The following ZBTB40 variants were observed in gnomAD, a reference collection of about 807,000 sequenced individuals.
The protein encoded by ZBTB40 is zinc finger and BTB domain containing 40, also known as zinc finger and BTB domain-containing protein 40.
A neutral mutation model predicts 117.5 loss-of-function variants in ZBTB40; 60 were observed. The ratio of observed to expected loss-of-function variants is 0.51; its 90% CI spans 0.41 to 0.63. The LOEUF is 0.63. Ranked by LOEUF, ZBTB40 falls within the 30% of genes least tolerant of loss-of-function variation. The pLI is 0.00. For synonymous variants in ZBTB40, 525 were observed against 577.1 expected (o/e 0.91, Z 1.29); for missense variants, 1,287 against 1,498.5 (o/e 0.86, Z 2.33).
chr1:22,520,350 G>T, intron 14 of ZBTB40, 75 bp downstream of exon 14: 5 of 1,269,044 alleles, frequency 3.9e-6, no homozygotes, highest in Non-Finnish European at 5.6e-6. Flanking sequence ...CTGATGCCCG[G>T]GTTGGTGGCT....
intron 1 of ZBTB40, among the ~76,000 whole-genome samples, chr1:22,483,839 C>T (rs1388324980): frequency 6.6e-6 from 1 of 152,168 alleles, no homozygotes; most frequent in Non-Finnish European, 1.5e-5. Context: ...CCAAAGTCAA[C>T]TAAGTTTTCT....
chr1:22,524,580 C>A, intron 17 of ZBTB40, 136 bp downstream of exon 17: 1 of 1,053,252 alleles, frequency 9.5e-7, no homozygotes, highest in Non-Finnish European at 1.4e-6. Flanking sequence ...TCTTACAAAA[C>A]AGAACAGAAA....
intron 1 of ZBTB40, among the ~76,000 whole-genome samples, chr1:22,463,888 G>A (rs547208726): frequency 6.6e-6 from 1 of 152,206 alleles, no homozygotes; most frequent in Non-Finnish European, 1.5e-5. Context: ...TCTGGAAAAA[G>A]AAATTAATTG....
Position 22,491,553 on chromosome 1 carries a change from G to A in ZBTB40, c.831+20G>A, listed in dbSNP as rs1003628372. 1 of 1,612,552 alleles carries A rather than the reference G, an allele frequency of 6.2e-7. No homozygotes were observed. ...AAGGAGGTAGGCACCTCTGACTTTT[G>A]TACTTGTTTGCTAGTTTAGTGTTCT... On this transcript the variant is annotated intron_variant, in intron 3 of 17. Transcript: ENST00000375647.
intron 3 of ZBTB40, 26 bp downstream of exon 3, chr1:22,491,559 G>T (rs1459813539): frequency 6.2e-7 from 1 of 1,611,644 alleles, no homozygotes; most frequent in African/African-American, 1.3e-5. Context: ...TTTTGTACTT[G>T]TTTGCTAGTT....
intron 1 of ZBTB40, among the ~76,000 whole-genome samples, chr1:22,486,254 T>G (rs1638462574): frequency 6.6e-6 from 1 of 152,168 alleles, no homozygotes; most frequent in African/African-American, 2.4e-5. Context: ...TCTCAATCTT[T>G]TGGTGAGCTT....
At chr1:22,461,710 G>A (rs1037023343) in intron 1 of ZBTB40, among the ~76,000 whole-genome samples, 1 of 152,150 alleles carries the variant, frequency 6.6e-6, no homozygotes, top group Non-Finnish European at 1.5e-5. Flanking sequence ...AGTCTCTTCA[G>A]TGCTCTGGTA....
Position 22,521,675 on chromosome 1 carries a change from G to A in ZBTB40, c.3211+17G>A, listed in dbSNP as rs202079396. 2.8e-5 allele frequency: 45 copies of A among 1,614,200 alleles called. No individual in the cohort carries two copies. The highest frequency in any genetic ancestry group is 2.3e-4 in the Admixed American group (14 of 60,032). ...AACATGCAGGTGGAGTTTGGGTACC[G>A]CCGGCAGAGAGCGGGAGGGGCTTGA... On this transcript the variant is annotated intron_variant, in intron 15 of 17. Transcript: ENST00000375647.
At chr1:22,514,294 C>T (rs947936832) in intron 12 of ZBTB40, among the ~76,000 whole-genome samples, 1 of 152,178 alleles carries the variant, frequency 6.6e-6, no homozygotes, top group African/African-American at 2.4e-5. Context: ...CTTGCTTTCA[C>T]CATTTCTCTT....
intron 3 of ZBTB40, among the ~76,000 whole-genome samples, chr1:22,496,251 A>G (rs1299782495): frequency 6.6e-6 from 1 of 152,154 alleles, no homozygotes; most frequent in Non-Finnish European, 1.5e-5. Flanking sequence ...AGTGACAGAC[A>G]AGCCCCACTG....
At chr1:22,440,602 T>C (rs1640719862) in intron 1 of ZBTB40, among the ~76,000 whole-genome samples, 1 of 152,250 alleles carries the variant, frequency 6.6e-6, no homozygotes, top group African/African-American at 2.4e-5. Context: ...TGAGGTTTGC[T>C]GTGCATTTTT....
chr1:22,441,202 T>G (rs987971957), intron 1 of ZBTB40, among the ~76,000 whole-genome samples: 3 of 152,124 alleles, frequency 2.0e-5, no homozygotes, highest in Non-Finnish European at 4.4e-5. Context: ...TGATTTCATC[T>G]TGGTAGGTTT....
rs572631520 is a variant in ZBTB40, at chr1:22,485,012, A to G, written c.-69-4868A>G. Among the ~76,000 whole-genome samples the G allele has an allele frequency of 2.0e-5, 3 of 152,318 alleles. No individual in the cohort carries two copies. The East Asian group carries it at 5.8e-4, about 29-fold the overall frequency. ...GAGAAGTCCCATTTGGCTATGATGT[A>G]TAATTCTCTTTAGGCATTGTTAGAG... is the stretch of plus-strand genomic sequence containing the variant. On this transcript the variant is annotated intron_variant, in intron 1 of 17. Coordinates refer to ENST00000375647, the MANE Select transcript of ZBTB40 (RefSeq NM_014870.4).
rs987173062 is a variant in ZBTB40 at position 22,527,182 on chromosome 1, G to A, written c.*786G>A. ...GAAGCCTGGTTCCCACAGCTCTTCC[G>A]TGTCATCTTCATCCCCTTCCTTTAA... On this transcript the variant is annotated 3_prime_UTR_variant, in exon 18 of 18. Transcript: ENST00000375647. 9 of 153,104 alleles carry A rather than the reference G, an allele frequency of 5.9e-5. No homozygotes were observed. The highest frequency in any genetic ancestry group is 3.8e-4 in the East Asian group (2 of 5,332). 9.5% of individuals were successfully genotyped at this position (153,104 alleles called of 1,614,324 possible). A position where few individuals can be genotyped will look rare whatever the true frequency, so the allele number is the denominator to read the frequency against.
intron 1 of ZBTB40, among the ~76,000 whole-genome samples, chr1:22,488,644 A>T (rs1486464919): frequency 6.6e-6 from 1 of 152,228 alleles, no homozygotes; most frequent in East Asian, 1.9e-4. Context: ...GGAGCCGATG[A>T]CAGCCAGATC....
intron 1 of ZBTB40, among the ~76,000 whole-genome samples, chr1:22,452,451 G>C (rs1640901758): frequency 6.6e-6 from 1 of 152,202 alleles, no homozygotes; most frequent in Admixed American, 6.5e-5. Context: ...ATGGTTAGGG[G>C]GAAGAATATT....
chr1:22,433,437 A>AAAAAAAAAAAAAAAG (rs1640625155), intron 1 of ZBTB40, among the ~76,000 whole-genome samples: 1 of 131,006 alleles, frequency 7.6e-6, no homozygotes. Context: ...CCTCTCAAAA[A>AAAAAAAAAAAAAAAG]AAAAAAAAAA....
rs1301002276 is a variant in ZBTB40 at position 22,491,309 on chromosome 1, T to C, written c.698-91T>C. ...AGACAGAGATCAGTTAAGTGCAGTA[T>C]ATGACCTGAAGGTGCTCAGACAGCT... On this transcript the variant is annotated intron_variant, in intron 2 of 17. Transcript: ENST00000375647. 3.7e-6 allele frequency: 5 copies of C among 1,335,812 alleles called. No homozygotes were observed. In the African/African-American group the frequency reaches 5.8e-5, roughly 15 times the overall value. The allele number at this position is 1,335,812 out of a possible 1,614,324, so 82.7% of individuals were successfully genotyped here.
At position 22,517,474 on chromosome 1, in the gene ZBTB40, G is replaced by C; in HGVS notation, c.2833+10G>C. 6.2e-7 allele frequency: 1 copy of C among 1,609,606 alleles called. No individual in the cohort carries two copies. The highest frequency in any genetic ancestry group is 1.1e-5 in the South Asian group (1 of 90,990). On this transcript the variant is annotated intron_variant, in intron 13 of 17. Coordinates refer to ENST00000375647, the MANE Select transcript of ZBTB40 (RefSeq NM_014870.4). ...CTGCACACCTTTCACAGTATGTAGA[G>C]ACTGTGGATCTCAAGCCCTCAGTGC...
Sources: allele counts gnomAD v4.1 joint callset (sites outside exome capture counted in the v4.1 genomes callset), GRCh38; gene constraint gnomAD v4.1.1; transcripts MANE v1.5; gene names NCBI Gene and HGNC (gene_info 2026-07-23, HGNC 2026-07-21).